Variants in ANKUB1 observed in about 807,000 individuals in gnomAD.
ANKUB1 encodes the protein ankyrin repeat and ubiquitin domain containing 1.
Under a neutral mutation model 49.3 loss-of-function variants are expected in ANKUB1, and 42 were observed. The observed-to-expected ratio is 0.85, with a 90% CI of 0.67 to 1.10. ANKUB1 has a LOEUF of 1.10. Among genes scored for constraint, ANKUB1 ranks in the 50% least tolerant of loss-of-function variants. ANKUB1 has a pLI of 0.00. For missense variants in ANKUB1, 613 were observed against 642.0 expected (o/e 0.95, Z 0.49); for synonymous variants, 222 against 231.0 (o/e 0.96, Z 0.35).
intron 3 of ANKUB1, chr3:149,779,176 AT>A (rs112875843): frequency 0.033 from 4,543 of 137,404 alleles, 66 homozygotes; most frequent in Non-Finnish European, 0.041. Flanking sequence ...GGAAGTACAG[AT>A]TTTTTTTTTT....
intron 3 of ANKUB1, chr3:149,778,952 T>C (rs1240239453): frequency 6.6e-6 from 1 of 152,214 alleles, no homozygotes; most frequent in Non-Finnish European, 1.5e-5. Context: ...GTTGTGCTGA[T>C]TGTCAGCAAG....
chr3:149,771,310 G>C (rs866501713), intron 3 of ANKUB1, among the ~76,000 whole-genome samples: 1 of 152,238 alleles, frequency 6.6e-6, no homozygotes, highest in South Asian at 2.1e-4. Flanking sequence ...GTTCCCTGGG[G>C]ATTAAACCCA....
chr3:149,768,020 C>T lies in ANKUB1; in HGVS notation c.642G>A (p.Gln214=), dbSNP rs1441424364. ...YIELTEWALK[Q]GARPHEAVGV... is the part of the protein sequence containing the mutation. ...CGACTGCCTCGTGGGGCCGCGCACC[C>T]TGCTTCAGGGCCCATTCAGTGAGTT... is the stretch of plus-strand genomic sequence containing the variant. Residue 214 remains glutamine (Q), a synonymous_variant, in exon 5 of 6, where the codon CAG becomes CAA. Transcript: ENST00000446160. The T allele has an allele frequency of 6.7e-7, 1 of 1,488,684 alleles. No homozygotes were observed. The highest frequency in any genetic ancestry group is 2.3e-5 in the Admixed American group (1 of 44,190). The allele number at this position is 1,488,684 out of a possible 1,614,324, so 92.2% of individuals were successfully genotyped here.
intron 5 of ANKUB1, 80 bp from the exon 6 acceptor site, chr3:149,761,693 G>A (rs1716792376): frequency 3.5e-6 from 5 of 1,449,026 alleles, no homozygotes; most frequent in East Asian, 2.5e-5. Context: ...GAAATCTTCA[G>A]GTTGATTTTG....
intron 1 of ANKUB1, among the ~76,000 whole-genome samples, chr3:149,791,961 T>C (rs377247395): frequency 6.6e-6 from 1 of 152,198 alleles, no homozygotes; most frequent in Non-Finnish European, 1.5e-5. Flanking sequence ...GTTGGTGTCT[T>C]GCTTTGGTCC....
chr3:149,761,698 A>G, intron 5 of ANKUB1, 85 bp from the exon 6 acceptor site: 2 of 1,430,260 alleles, frequency 1.4e-6, no homozygotes. Flanking sequence ...CTTCAGGTTG[A>G]TTTTGTAGCT....
At chr3:149,786,023 T>TTTTATTTATTTA (rs575224030) in intron 2 of ANKUB1, among the ~76,000 whole-genome samples, 2 of 151,716 alleles carry the variant, frequency 1.3e-5, no homozygotes, top group Non-Finnish European at 2.9e-5. Context: ...GATGATGAGC[T>TTTTATTTATTTA]TTTATTTATT....
rs758504678 is a variant in ANKUB1 at position 149,770,597 on chromosome 3, C to G, written c.529G>C (p.Val177Leu). 4 of 1,550,084 alleles carry G rather than the reference C, an allele frequency of 2.6e-6. No homozygotes were observed. Among genetic ancestry groups the G allele is most frequent in the Non-Finnish European group, 3.5e-6 (4 of 1,146,472 alleles). The change falls in exon 4 of 6, where the codon GTC (valine) becomes CTC (leucine). Residue 177 changes from valine to leucine, a missense_variant. Physicochemically the swap from Val to Leu is conservative, Grantham distance 32. Transcript: ENST00000446160. ...CCTTCTTTTGATAAGTAGCGTTGGACTTTAAGTTTTTGTCCAAGGAGACAA... is the reference window on the plus strand; with the variant it reads ...CCTTCTTTTGATAAGTAGCGTTGGAGTTTAAGTTTTTGTCCAAGGAGACAA... ...MGCLLGQKLK[V>L]QRYLSKEGPV...
chr3:149,777,054 C>T (rs2108272096), intron 3 of ANKUB1, among the ~76,000 whole-genome samples: 1 of 152,262 alleles, frequency 6.6e-6, no homozygotes, highest in South Asian at 2.1e-4. Context: ...TCTTCCACTG[C>T]TAATGGACCT....
chr3:149,770,295 C>T (rs182027915), intron 4 of ANKUB1, among the ~76,000 whole-genome samples: 64 of 152,168 alleles, frequency 4.2e-4, no homozygotes, highest in African/African-American at 1.5e-3. Context: ...CATCCCTAAC[C>T]CCTGCATTGT....
intron 5 of ANKUB1, among the ~76,000 whole-genome samples, chr3:149,763,684 G>A (rs1716868724): frequency 6.6e-6 from 1 of 152,160 alleles, no homozygotes; most frequent in South Asian, 2.1e-4. Flanking sequence ...AATAAGGAAA[G>A]CTATTTTCTA....
In ANKUB1 at chr3:149,767,568, G is replaced by A. The variant is rs1717098638; in HGVS notation, c.1094C>T (p.Ala365Val). The A allele has an allele frequency of 1.9e-6, 3 of 1,551,576 alleles. No individual in the cohort carries two copies. Among genetic ancestry groups the A allele is most frequent in the African/African-American group, 1.4e-5 (1 of 73,018 alleles). The change falls in exon 5 of 6, where the codon GCT becomes GTT. Residue 365 changes from alanine to valine, a missense_variant. By Grantham distance (64) the Ala-to-Val change is moderately conservative. Transcript: ENST00000446160. ...GATGCTTTGTGAGTCGCTGTTCCCA[G>A]CCTTATGCCAGCTCTTGGAGGTCAT... ...PKMTSKSWHK[A>V]GNSDSQSIVL...
At chr3:149,776,423 G>A (rs1229410258) in intron 3 of ANKUB1, among the ~76,000 whole-genome samples, 1 of 152,166 alleles carries the variant, frequency 6.6e-6, no homozygotes, top group Non-Finnish European at 1.5e-5. Context: ...ACATGGGCAG[G>A]ATCAGTATCT....
chr3:149,774,279 GTCAT>G (rs3973945), intron 3 of ANKUB1, among the ~76,000 whole-genome samples: 5 of 151,290 alleles, frequency 3.3e-5, no homozygotes, highest in South Asian at 4.2e-4. Context: ...TGCCTCTTTT[GTCAT>G]TCATTCATTC....
chr3:149,771,832 C>T (rs1028598145), intron 3 of ANKUB1, among the ~76,000 whole-genome samples: 9 of 152,138 alleles, frequency 5.9e-5, no homozygotes, highest in African/African-American at 2.2e-4. Flanking sequence ...AGCCCAGCCT[C>T]TGCTCCAGCT....
intron 3 of ANKUB1, among the ~76,000 whole-genome samples, chr3:149,777,980 C>T (rs1273852156): frequency 6.6e-6 from 1 of 152,166 alleles, no homozygotes; most frequent in East Asian, 1.9e-4. Context: ...TTTCCACTGC[C>T]TGTGGAAAAG....
intron 2 of ANKUB1, among the ~76,000 whole-genome samples, chr3:149,782,412 G>A (rs1238374813): frequency 6.6e-6 from 1 of 152,030 alleles, no homozygotes; most frequent in East Asian, 1.9e-4. Context: ...TTAACTAGGT[G>A]TGTGAGGTTA....
chr3:149,787,821 T>G (rs1219083911), intron 2 of ANKUB1, among the ~76,000 whole-genome samples: 1 of 152,216 alleles, frequency 6.6e-6, no homozygotes, highest in Non-Finnish European at 1.5e-5. Flanking sequence ...AAGCAGAACC[T>G]TGTAAGCACA....
rs1361363034 is a variant in ANKUB1 at position 149,768,010 on chromosome 3, G to C, written c.652C>G (p.Pro218Ala). 7 of 1,499,756 alleles carry C rather than the reference G, an allele frequency of 4.7e-6. No homozygotes were observed. The highest frequency in any genetic ancestry group is 1.4e-5 in the African/African-American group (1 of 71,838). 92.9% of individuals were successfully genotyped at this position (1,499,756 alleles called of 1,614,324 possible). The change falls in exon 5 of 6, where the codon CCC becomes GCC. Residue 218 changes from proline (P) to alanine (A), a missense_variant. Coordinates refer to ENST00000446160, the MANE Select transcript of ANKUB1 (RefSeq NM_001144960.3). The stretch of plus-strand genomic sequence containing the variant: ...GGGTGAACACCGACTGCCTCGTGGG[G>C]CCGCGCACCCTGCTTCAGGGCCCAT... ...TEWALKQGAR[P>A]HEAVGVHPYR...
Sources: allele counts gnomAD v4.1 joint callset (sites outside exome capture counted in the v4.1 genomes callset), GRCh38; gene constraint gnomAD v4.1.1; transcripts MANE v1.5; gene names NCBI Gene and HGNC (gene_info 2026-07-23, HGNC 2026-07-21).